Variants in KMO observed in about 807,000 individuals in gnomAD.
KMO encodes the protein kynurenine 3-hydroxylase.
Under a neutral mutation model 57.8 loss-of-function variants are expected in KMO, and 24 were observed. The ratio of observed to expected loss-of-function variants is 0.42; its 90% CI spans 0.30 to 0.58. The LOEUF (loss-of-function observed/expected upper bound fraction) is 0.58, where lower values mean the gene tolerates loss of function less well. KMO is among the 20% of genes least tolerant of loss of function. The pLI, the probability that KMO is intolerant of heterozygous loss-of-function variation, is 0.22. For synonymous variants in KMO, 210 were observed against 193.6 expected, an observed-to-expected ratio of 1.08 and a Z score of -0.70; for missense variants, 483 against 588.2, an observed-to-expected ratio of 0.82 and a Z score of 1.85.
intron 8 of KMO, among the ~76,000 whole-genome samples, chr1:241,565,995 A>G (rs1164343678): frequency 1.3e-5 from 2 of 152,176 alleles, no homozygotes; most frequent in African/African-American, 4.8e-5. Context: ...ACCTGAGGTC[A>G]GGAGTTCCAG....
At chr1:241,583,670 G>A (rs1406295249) in intron 10 of KMO, among the ~76,000 whole-genome samples, 1 of 152,102 alleles carries the variant, frequency 6.6e-6, no homozygotes, top group Non-Finnish European at 1.5e-5. Context: ...TAAATGTCAT[G>A]TATATAATTG....
chr1:241,586,191 CTTTTTTT>C (rs386370217), intron 10 of KMO, among the ~76,000 whole-genome samples: 2 of 80,070 alleles, frequency 2.5e-5, no homozygotes, highest in Admixed American at 1.7e-4. Context: ...AGTCTATGGT[CTTTTTTT>C]TTTTTTTTTT....
At chr1:241,534,967 T>G (rs567049776) in intron 1 of KMO, among the ~76,000 whole-genome samples, 2 of 144,622 alleles carry the variant, frequency 1.4e-5, no homozygotes, top group African/African-American at 2.5e-5. Flanking sequence ...ACACTTTGGG[T>G]TTTTTTTTTT....
chr1:241,559,643 G>C (rs141353930), intron 5 of KMO, among the ~76,000 whole-genome samples: 2 of 151,930 alleles, frequency 1.3e-5, no homozygotes, highest in Non-Finnish European at 1.5e-5. Context: ...AAACAAAAAA[G>C]AGTAAAATAA....
rs143746581 is a variant in KMO, at chr1:241,534,573, G to A, written c.54+2075G>A. Among the ~76,000 whole-genome samples, 1,453 of 152,254 alleles carry A rather than the reference G, an allele frequency of 9.5e-3. 14 individuals are homozygous for A. The highest frequency in any genetic ancestry group is 0.017 in the Middle Eastern group (5 of 294). On this transcript the variant is annotated intron_variant, in intron 1 of 14. Transcript: ENST00000366559. ...ATTCCTATTGTCATTTTGTGCAAAC[G>A]CTTATTCTTCTTTCACTCCATCAGT...
intron 8 of KMO, 48 bp downstream of exon 8, chr1:241,565,106 G>A (rs754161429): frequency 5.7e-6 from 6 of 1,058,384 alleles, no homozygotes; most frequent in Non-Finnish European, 8.9e-6. Context: ...TGTAATTAAT[G>A]TTGTTTATTA....
At chr1:241,591,760 A>G (rs1009137671) in intron 14 of KMO, among the ~76,000 whole-genome samples, 193 bp from the exon 15 acceptor site, 11 of 152,146 alleles carry the variant, frequency 7.2e-5, no homozygotes, top group African/African-American at 2.4e-4. Context: ...GGAGAGAGGG[A>G]GAAGGGAGGC....
At chr1:241,579,282 G>C (rs1662661837) in intron 10 of KMO, among the ~76,000 whole-genome samples, 1 of 152,024 alleles carries the variant, frequency 6.6e-6, no homozygotes, top group African/African-American at 2.4e-5. Flanking sequence ...ATGTTACCTA[G>C]GGGAGGTACT....
chr1:241,547,389 A>AGAGTTAAAAAT (rs1359071499), intron 1 of KMO, among the ~76,000 whole-genome samples: 1 of 152,122 alleles, frequency 6.6e-6, no homozygotes, highest in Non-Finnish European at 1.5e-5. Flanking sequence ...AAAATGACAA[A>AGAGTTAAAAAT]GACTCTATAT....
intron 1 of KMO, among the ~76,000 whole-genome samples, chr1:241,534,120 T>C (rs998776722): frequency 6.6e-6 from 1 of 152,198 alleles, no homozygotes; most frequent in African/African-American, 2.4e-5. Flanking sequence ...AATGGGAAAC[T>C]ATTGGAGGAT....
intron 1 of KMO, chr1:241,536,349 T>A (rs1445807196): frequency 1.1e-5 from 2 of 177,318 alleles, no homozygotes; most frequent in Non-Finnish European, 2.2e-5. Context: ...GAGAGAGAAG[T>A]AGACAAGCCA....
At chr1:241,586,189 G>GTTTTTTTTTTTTTTTTTTTTTTT (rs1558431281) in intron 10 of KMO, among the ~76,000 whole-genome samples, 1 of 122,692 alleles carries the variant, frequency 8.2e-6, no homozygotes, top group African/African-American at 3.0e-5. Context: ...GAAGTCTATG[G>GTTTTTTTTTTTTTTTTTTTTTTT]TCTTTTTTTT....
At chr1:241,549,907 C>A in intron 3 of KMO, 133 bp downstream of exon 3, 1 of 659,712 alleles carries the variant, frequency 1.5e-6, no homozygotes, top group Non-Finnish European at 2.5e-6. Context: ...TCTACTAAAG[C>A]TTTTAAAATT....
intron 8 of KMO, 112 bp from the exon 9 acceptor site, chr1:241,566,379 C>T: frequency 8.4e-7 from 1 of 1,192,090 alleles, no homozygotes; most frequent in Non-Finnish European, 1.2e-6. Flanking sequence ...CTTGGACATT[C>T]CTTCCAAAAG....
chr1:241,546,189 A>G (rs1447771324), intron 1 of KMO, among the ~76,000 whole-genome samples: 1 of 152,038 alleles, frequency 6.6e-6, no homozygotes, highest in African/African-American at 2.4e-5. Flanking sequence ...TAGGGTCCTG[A>G]TCTAAAACAT....
chr1:241,549,114 A>G (rs1661270648), intron 2 of KMO, among the ~76,000 whole-genome samples: 2 of 151,666 alleles, frequency 1.3e-5, no homozygotes, highest in South Asian at 4.2e-4. Flanking sequence ...GGTTGCAGTG[A>G]GGCGAGATCA....
intron 10 of KMO, among the ~76,000 whole-genome samples, chr1:241,577,538 T>C (rs1044655812): frequency 6.6e-6 from 1 of 152,148 alleles, no homozygotes; most frequent in Non-Finnish European, 1.5e-5. Context: ...AGTCTTTGTT[T>C]GATGACTGGC....
rs1663335039 is a variant in KMO, at chr1:241,592,217, T to C, written c.*64T>C. ...TGACCAAAATTAAGCATGAAAAAAA[T>C]GTTTCCATTGCCATATTTGATTCAC... On this transcript the variant is annotated 3_prime_UTR_variant, in exon 15 of 15. Transcript: ENST00000366559. 1 of 1,215,610 alleles carries C rather than the reference T, an allele frequency of 8.2e-7. No individual in the cohort carries two copies. The highest frequency in any genetic ancestry group is 1.2e-6 in the Non-Finnish European group (1 of 842,726). 75.3% of individuals were successfully genotyped at this position (1,215,610 alleles called of 1,614,324 possible).
chr1:241,566,084 T>C (rs1370260499), intron 8 of KMO, among the ~76,000 whole-genome samples: 1 of 151,826 alleles, frequency 6.6e-6, no homozygotes, highest in Admixed American at 6.6e-5. Context: ...TGGGTGCCTG[T>C]AGTCCCAGCT....
Sources: allele counts gnomAD v4.1 joint callset (sites outside exome capture counted in the v4.1 genomes callset), GRCh38; gene constraint gnomAD v4.1.1; transcripts MANE v1.5; gene names NCBI Gene and HGNC (gene_info 2026-07-23, HGNC 2026-07-21).